TNFAIP8: variants seen among roughly 807,000 people sequenced by gnomAD.
TNFAIP8 encodes TNF alpha induced protein 8.
In TNFAIP8, 7 loss-of-function variants were observed where a neutral mutation model predicts 13.3. That is an observed-to-expected ratio of 0.52 (90% CI 0.30 to 0.99). TNFAIP8 has a LOEUF of 0.99. Among genes scored for constraint, TNFAIP8 ranks in the 50% least tolerant of loss-of-function variants. TNFAIP8 has a pLI of 0.07. For synonymous variants in TNFAIP8, 94 were observed against 87.6 expected (o/e 1.07, Z -0.41); for missense variants, 258 against 236.9 (o/e 1.09, Z -0.58).
rs1379878188 is a variant in TNFAIP8, at chr5:119,393,396, A to C, written c.*15A>C. The C allele has an allele frequency of 6.3e-7, 1 of 1,591,990 alleles. No individual in the cohort carries two copies. The highest frequency in any genetic ancestry group is 8.6e-7 in the Non-Finnish European group (1 of 1,165,214). On this transcript the variant is annotated 3_prime_UTR_variant, in exon 2 of 2. Coordinates refer to ENST00000504771, the MANE Select transcript of TNFAIP8 (RefSeq NM_014350.4). ...AGAACATATGAGCACATGAGTTAAG[A>C]TTGTGACTGATCATGATTTATTTGA...
At chr5:119,319,774 T>C (rs1472472773) in intron 1 of TNFAIP8, among the ~76,000 whole-genome samples, 1 of 152,232 alleles carries the variant, frequency 6.6e-6, no homozygotes, top group Non-Finnish European at 1.5e-5. Flanking sequence ...TTGTAGCCCA[T>C]GTCTAGATAT....
In TNFAIP8 at chr5:119,397,675, C is replaced by T. The variant is rs1186343408; in HGVS notation, c.*4294C>T. The stretch of plus-strand genomic sequence containing the variant: ...AAACTCCCTAATGAAAATATTGAAG[C>T]ATTAACCAGAAAATGAGTCAGCTTT... On this transcript the variant is annotated 3_prime_UTR_variant, in exon 2 of 2. Coordinates refer to ENST00000504771, the MANE Select transcript of TNFAIP8 (RefSeq NM_014350.4). 6.6e-6 allele frequency: 1 copy of T among 152,200 alleles called. No homozygotes were observed. The highest frequency in any genetic ancestry group is 1.9e-4 in the East Asian group (1 of 5,202). The allele number at this position is 152,200 out of a possible 1,614,324, so 9.4% of individuals were successfully genotyped here. A position where few individuals can be genotyped will look rare whatever the true frequency, so the allele number is the denominator to read the frequency against.
chr5:119,322,851 G>A (rs555630304), intron 1 of TNFAIP8, among the ~76,000 whole-genome samples: 1 of 152,324 alleles, frequency 6.6e-6, no homozygotes, highest in Admixed American at 6.5e-5. Flanking sequence ...CCAAGCTCTT[G>A]TCTAAGTTCT....
intron 1 of TNFAIP8, among the ~76,000 whole-genome samples, chr5:119,280,663 A>T (rs1344714581): frequency 2.6e-5 from 4 of 152,316 alleles, no homozygotes; most frequent in African/African-American, 9.6e-5. Flanking sequence ...GTTGATCCTC[A>T]GTGTCTCGAT....
intron 1 of TNFAIP8, among the ~76,000 whole-genome samples, chr5:119,314,700 A>T (rs1240273352): frequency 6.6e-6 from 1 of 152,172 alleles, no homozygotes; most frequent in African/African-American, 2.4e-5. Context: ...AGCCAGAGAG[A>T]AATAGGTCCA....
intron 1 of TNFAIP8, among the ~76,000 whole-genome samples, chr5:119,358,388 A>T (rs1251263412): frequency 1.3e-5 from 2 of 152,018 alleles, no homozygotes; most frequent in African/African-American, 4.8e-5. Flanking sequence ...AACATACTTG[A>T]CTCTGTGCCA....
In TNFAIP8 at chr5:119,393,467, A is replaced by G. The variant is rs1224668788; in HGVS notation, c.*86A>G. 2.4e-6 allele frequency: 3 copies of G among 1,234,042 alleles called. No homozygotes were observed. The highest frequency in any genetic ancestry group is 2.2e-5 in the Admixed American group (1 of 44,558). 76.4% of individuals were successfully genotyped at this position (1,234,042 alleles called of 1,614,324 possible). ...ATGAAGGAAAAAAGAAGAATTTTCT[A>G]AAGATTACACATATTTCAGAAAGAC... is the stretch of plus-strand genomic sequence containing the variant. On this transcript the variant is annotated 3_prime_UTR_variant, in exon 2 of 2. Coordinates refer to ENST00000504771, the MANE Select transcript of TNFAIP8 (RefSeq NM_014350.4).
rs542879225 is a variant in TNFAIP8, at chr5:119,300,996, A to G, written c.1+32089A>G. Reference sequence around the variant, plus strand: ...CTAAAAGCATTACAAGTGGGCCCCAAGCTTTGATTTGAAGGTAGTGGAAAC... The same window carrying G: ...CTAAAAGCATTACAAGTGGGCCCCAGGCTTTGATTTGAAGGTAGTGGAAAC... On this transcript the variant is annotated intron_variant, in intron 1 of 1. Coordinates refer to the TNFAIP8 transcript ENST00000274456. Among the ~76,000 whole-genome samples the G allele has an allele frequency of 2.6e-5, 4 of 152,298 alleles. No individual in the cohort carries two copies. In the South Asian group the frequency reaches 8.3e-4, roughly 32 times the overall value.
At chr5:119,294,274 C>T (rs1360234347) in intron 1 of TNFAIP8, among the ~76,000 whole-genome samples, 15 of 147,950 alleles carry the variant, frequency 1.0e-4, no homozygotes, top group African/African-American at 3.7e-4. Context: ...TCAATTCCCA[C>T]CTATGAGTGA....
At chr5:119,291,286 A>G (rs759427844) in intron 1 of TNFAIP8, among the ~76,000 whole-genome samples, 1 of 152,238 alleles carries the variant, frequency 6.6e-6, no homozygotes, top group Non-Finnish European at 1.5e-5. Flanking sequence ...TGGGTGCCCA[A>G]TAACTACCTG....
At chr5:119,322,576 A>G (rs1452385523) in intron 1 of TNFAIP8, among the ~76,000 whole-genome samples, 3 of 152,148 alleles carry the variant, frequency 2.0e-5, no homozygotes, top group African/African-American at 7.2e-5. Context: ...GACCATTCCA[A>G]ACGAGTCCAT....
intron 1 of TNFAIP8, among the ~76,000 whole-genome samples, chr5:119,375,717 G>T (rs1752252563): frequency 6.6e-6 from 1 of 151,948 alleles, no homozygotes; most frequent in Admixed American, 6.5e-5. Flanking sequence ...CTTTTGGGAG[G>T]CTCTATTAAA....
intron 1 of TNFAIP8, among the ~76,000 whole-genome samples, chr5:119,285,737 G>A (rs1748759688): frequency 6.6e-6 from 1 of 152,174 alleles, no homozygotes; most frequent in African/African-American, 2.4e-5. Flanking sequence ...GTTCATTACA[G>A]CATTGTTCTT....
chr5:119,311,711 C>CAAAAAAAAAAAAAAAAAAAAA, intron 1 of TNFAIP8, among the ~76,000 whole-genome samples: 1 of 53,942 alleles, frequency 1.9e-5, no homozygotes, highest in African/African-American at 6.0e-5. Flanking sequence ...AAAAAAAAAT[C>CAAAAAAAAAAAAAAAAAAAAA]AGTGAATGAA....
At chr5:119,352,555 T>C (rs1218346837), upstream of TNFAIP8, among the ~76,000 whole-genome samples, 1 of 152,182 alleles carries the variant, frequency 6.6e-6, no homozygotes, top group Non-Finnish European at 1.5e-5. Context: ...GTGAGTGGAA[T>C]ATTTGATACC....
chr5:119,391,457 T>C, intron 1 of TNFAIP8: 1 of 701,654 alleles, frequency 1.4e-6, no homozygotes, highest in East Asian at 2.7e-5. Flanking sequence ...TTCTTAAGCC[T>C]TAGGAGAAGC....
At chr5:119,377,164 G>T (rs1328945025) in intron 1 of TNFAIP8, among the ~76,000 whole-genome samples, 2 of 152,142 alleles carry the variant, frequency 1.3e-5, no homozygotes, top group Non-Finnish European at 2.9e-5. Context: ...CACTTTGGGA[G>T]GCCAAGACAG....
At chr5:119,350,522 C>T (rs946995511) in intron 1 of TNFAIP8, among the ~76,000 whole-genome samples, 6 of 152,100 alleles carry the variant, frequency 3.9e-5, no homozygotes, top group Admixed American at 6.5e-5. Context: ...ATTTTCTGAC[C>T]TGATTTGGAG....
chr5:119,349,403 G>T (rs548987151), intron 1 of TNFAIP8, among the ~76,000 whole-genome samples: 1 of 152,190 alleles, frequency 6.6e-6, no homozygotes, highest in South Asian at 2.1e-4. Context: ...TTATTGTACA[G>T]ATGTGCAAAC....
Sources: allele counts gnomAD v4.1 joint callset (sites outside exome capture counted in the v4.1 genomes callset), GRCh38; gene constraint gnomAD v4.1.1; transcripts MANE v1.5; gene names NCBI Gene and HGNC (gene_info 2026-07-23, HGNC 2026-07-21).